Variants in PRDX4 observed in about 807,000 individuals in gnomAD.
PRDX4 encodes peroxiredoxin 4, also known as peroxiredoxin-4.
In PRDX4, 12 loss-of-function variants were observed where a neutral mutation model predicts 20.5. That is an observed-to-expected ratio of 0.58 (90% confidence interval 0.37 to 0.95). The LOEUF (loss-of-function observed/expected upper bound fraction) is 0.95, where lower values mean the gene tolerates loss of function less well. Ranked by LOEUF, PRDX4 falls within the 40% of genes least tolerant of loss-of-function variation. The pLI is 0.01. For missense variants in PRDX4, 180 were observed against 207.3 expected, an observed-to-expected ratio of 0.87 and a Z score of 0.81; for synonymous variants, 99 against 87.5, an observed-to-expected ratio of 1.13 and a Z score of -0.73.
intron 3 of PRDX4, among the ~76,000 whole-genome samples, chrX:23,675,842 A>C (rs1328569908): frequency 1.8e-5 from 2 of 111,709 alleles, no homozygotes; most frequent in Non-Finnish European, 3.8e-5. Flanking sequence ...GACCATTCAG[A>C]ATTGGGCTGG....
At chrX:23,686,217 G>A (rs1465191666) in intron 6 of PRDX4, 68 bp from the exon 7 acceptor site, 1 of 873,678 alleles carries the variant, frequency 1.1e-6, no homozygotes, top group African/African-American at 2.0e-5. Flanking sequence ...GGCAACTAAT[G>A]TCAGACTACT....
At chrX:23,678,488 G>C (rs1193162901) in intron 3 of PRDX4, among the ~76,000 whole-genome samples, 14 of 109,924 alleles carry the variant, frequency 1.3e-4, no homozygotes, top group Admixed American at 1.3e-3. Flanking sequence ...AAATCAGCCA[G>C]GTGTGGTGGC....
At chrX:23,669,175 T>A (rs1436968059) in intron 1 of PRDX4, among the ~76,000 whole-genome samples, 1 of 111,893 alleles carries the variant, frequency 8.9e-6, no homozygotes, top group African/African-American at 3.3e-5. Context: ...CCGCCTGCCT[T>A]GGCCTCCCAA....
chrX:23,686,314 G>A lies in PRDX4; in HGVS notation c.795G>A (p.Lys265=), dbSNP rs748155935. 2 of 1,175,286 alleles carry A rather than the reference G, an allele frequency of 1.7e-6. No individual in the cohort carries two copies. Among genetic ancestry groups the A allele is most frequent in the Non-Finnish European group, 2.3e-6 (2 of 875,405 alleles). ...TCCCAGATCCAGCTGGAAAGCTGAA[G>A]TATTTCGATAAACTGAATTGAGAAA... ...TIIPDPAGKL[K]YFDKLN Residue 265 remains lysine (K), a synonymous_variant, in exon 7 of 7, where the codon AAG becomes AAA. Coordinates refer to ENST00000379341, the MANE Select transcript of PRDX4 (RefSeq NM_006406.2).
intron 3 of PRDX4, 130 bp downstream of exon 3, chrX:23,675,236 G>A: frequency 9.0e-7 from 1 of 1,108,771 alleles, no homozygotes; most frequent in Non-Finnish European, 1.2e-6. Flanking sequence ...CTTTATCTAA[G>A]AGTAATACAT....
chrX:23,676,148 A>T (rs1601790845), intron 3 of PRDX4, among the ~76,000 whole-genome samples: 1 of 23,967 alleles, frequency 4.2e-5, no homozygotes, highest in African/African-American at 1.6e-4. Flanking sequence ...AAAAAAAAAA[A>T]AAAAAAAAAA....
chrX:23,676,084 C>T (rs777499674), intron 3 of PRDX4, among the ~76,000 whole-genome samples: 122 of 97,517 alleles, frequency 1.3e-3, no homozygotes, highest in African/African-American at 4.4e-3. Flanking sequence ...GCCGAGGTCA[C>T]GCCATTGCAC....
chrX:23,672,398 G>T (rs1452232975), intron 2 of PRDX4, among the ~76,000 whole-genome samples: 1 of 112,198 alleles, frequency 8.9e-6, no homozygotes, highest in Non-Finnish European at 1.9e-5. Context: ...ACTGCTTAAG[G>T]AATAAGGAAT....
intron 2 of PRDX4, among the ~76,000 whole-genome samples, chrX:23,672,818 T>C (rs1003577272): frequency 1.8e-5 from 2 of 111,530 alleles, no homozygotes; most frequent in African/African-American, 3.3e-5. Flanking sequence ...ATTAACAAAT[T>C]TTTTCTGCTG....
chrX:23,682,359 G>T, intron 4 of PRDX4, 37 bp from the exon 5 acceptor site: 1 of 1,070,382 alleles, frequency 9.3e-7, no homozygotes, highest in Non-Finnish European at 1.2e-6. Flanking sequence ...TAAATGAGAA[G>T]AAATGACCTC....
intron 2 of PRDX4, among the ~76,000 whole-genome samples, chrX:23,673,399 T>C (rs1927882208): frequency 8.9e-6 from 1 of 112,449 alleles, no homozygotes; most frequent in African/African-American, 3.2e-5. Context: ...GCCAAAACTT[T>C]TTCTGTCTTC....
intron 1 of PRDX4, among the ~76,000 whole-genome samples, chrX:23,669,086 C>T (rs964214396): frequency 1.2e-4 from 13 of 110,557 alleles, no homozygotes; most frequent in African/African-American, 4.0e-4. Flanking sequence ...CCACCACACC[C>T]GGCTATTTTT....
intron 6 of PRDX4, among the ~76,000 whole-genome samples, 155 bp downstream of exon 6, chrX:23,683,860 T>C (rs1397914273): frequency 7.1e-5 from 7 of 98,232 alleles, no homozygotes; most frequent in Non-Finnish European, 1.2e-4. Context: ...CTGGCTAACA[T>C]GGTGAAATCC....
At chrX:23,675,772 T>C (rs1172241083) in intron 3 of PRDX4, among the ~76,000 whole-genome samples, 1 of 111,624 alleles carries the variant, frequency 9.0e-6, no homozygotes, top group Non-Finnish European at 1.9e-5. Flanking sequence ...GAAATTTACA[T>C]GTTAATATGA....
chrX:23,668,372 A>G (rs1927774016), intron 1 of PRDX4, among the ~76,000 whole-genome samples: 1 of 112,638 alleles, frequency 8.9e-6, no homozygotes. Context: ...TTTCTCAGAC[A>G]TGAAGAACCT....
chrX:23,673,200 T>C (rs1927879440), intron 2 of PRDX4, among the ~76,000 whole-genome samples: 1 of 112,399 alleles, frequency 8.9e-6, no homozygotes, highest in Non-Finnish European at 1.9e-5. Context: ...TATTCATAAC[T>C]CCATAATGGG....
intron 3 of PRDX4, among the ~76,000 whole-genome samples, chrX:23,678,572 G>A (rs1481123654): frequency 1.8e-5 from 2 of 111,620 alleles, no homozygotes; most frequent in Non-Finnish European, 3.8e-5. Context: ...AGAGGTTGCA[G>A]TGAACCGAGA....
chrX:23,675,128 T>G (rs1927921582), intron 3 of PRDX4, 22 bp downstream of exon 3: 1 of 1,209,518 alleles, frequency 8.3e-7, no homozygotes, highest in Non-Finnish European at 1.1e-6. Context: ...ACACTTATAT[T>G]CGTAGAAAAA....
intron 4 of PRDX4, among the ~76,000 whole-genome samples, chrX:23,681,420 A>G (rs1174002219): frequency 8.9e-6 from 1 of 111,849 alleles, no homozygotes; most frequent in Non-Finnish European, 1.9e-5. Context: ...TTATGTCTCT[A>G]TAGTTGCCTA....
Sources: gnomAD v4.1 joint callset for allele counts (sites outside exome capture counted in the v4.1 genomes callset) on GRCh38, gnomAD v4.1.1 for gene constraint, MANE v1.5 for transcripts, NCBI Gene and HGNC (gene_info 2026-07-23, HGNC 2026-07-21) for gene names.